The following SLC26A3 variants were observed in gnomAD, a reference collection of about 807,000 sequenced individuals.
SLC26A3 encodes the protein chloride anion exchanger.
Under a neutral mutation model 85.6 loss-of-function variants are expected in SLC26A3, and 64 were observed. The ratio of observed to expected loss-of-function variants is 0.75; its 90% CI spans 0.61 to 0.92. SLC26A3 has a LOEUF of 0.92. Ranked by LOEUF, SLC26A3 falls within the 40% of genes least tolerant of loss-of-function variation. The probability of loss-of-function intolerance (pLI) is 0.00; values close to 1 mark genes in which losing one functional copy is unlikely to be tolerated. For missense variants in SLC26A3, 922 were observed against 927.3 expected, an observed-to-expected ratio of 0.99 and a Z score of 0.07; for synonymous variants, 349 against 336.0, an observed-to-expected ratio of 1.04 and a Z score of -0.42.
intron 1 of SLC26A3, among the ~76,000 whole-genome samples, chr7:107,795,969 C>T (rs1794489354): frequency 6.6e-6 from 1 of 152,066 alleles, no homozygotes; most frequent in Non-Finnish European, 1.5e-5. Flanking sequence ...TTTTCTCTCC[C>T]ATCCCATTTT....
At position 107,789,506 on chromosome 7, in the gene SLC26A3, G is replaced by C; in HGVS notation, c.735+18C>G. On this transcript the variant is annotated intron_variant, in intron 6 of 20. Transcript: ENST00000340010. ...GTTTCATGTATTTCAGTATTTTTTA[G>C]GTGAAAGAAATACTTACTTTGAAAA... 4.4e-6 allele frequency: 7 copies of C among 1,606,442 alleles called. No homozygotes were observed. The highest frequency in any genetic ancestry group is 5.1e-6 in the Non-Finnish European group (6 of 1,173,338).
At chr7:107,791,427 C>T (rs1312269385) in intron 4 of SLC26A3, among the ~76,000 whole-genome samples, 192 bp from the exon 5 acceptor site, 1 of 152,138 alleles carries the variant, frequency 6.6e-6, no homozygotes, top group African/African-American at 2.4e-5. Flanking sequence ...GCCTGACCAA[C>T]ATGGAGAAGC....
At chr7:107,776,875 T>C (rs921745363) in intron 13 of SLC26A3, 169 bp from the exon 14 acceptor site, 26 of 681,806 alleles carry the variant, frequency 3.8e-5, no homozygotes, top group African/African-American at 1.8e-5. Context: ...TTGTTTTACT[T>C]ATCTTTGTGT....
intron 8 of SLC26A3, among the ~76,000 whole-genome samples, chr7:107,785,450 A>G (rs1794277982): frequency 6.6e-6 from 1 of 152,224 alleles, no homozygotes; most frequent in Admixed American, 6.5e-5. Context: ...TACATTCACT[A>G]AATAAGACTG....
intron 7 of SLC26A3, among the ~76,000 whole-genome samples, chr7:107,787,118 C>T (rs1474107352): frequency 1.3e-5 from 2 of 152,338 alleles, no homozygotes; most frequent in East Asian, 3.9e-4. Flanking sequence ...TCTAACACGA[C>T]ATTTTGTCAA....
At chr7:107,792,532 T>C (rs1419141860) in intron 3 of SLC26A3, among the ~76,000 whole-genome samples, 1 of 152,026 alleles carries the variant, frequency 6.6e-6, no homozygotes. Context: ...GAGAATATAA[T>C]GTTGTCGCTG....
rs184105110 is a variant in SLC26A3 at position 107,791,473 on chromosome 7, G to A, written c.383-238C>T. ...CCAACAATACAAAAATTAGTCAGGCGTGATGGTGCATGCCTGTAATCCCAG... is the reference window on the plus strand; with the variant it reads ...CCAACAATACAAAAATTAGTCAGGCATGATGGTGCATGCCTGTAATCCCAG... On this transcript the variant is annotated intron_variant, in intron 4 of 20. Coordinates refer to ENST00000340010, the MANE Select transcript of SLC26A3 (RefSeq NM_000111.3). Among the ~76,000 whole-genome samples the A allele has an allele frequency of 2.7e-3, 418 of 152,220 alleles. 1 individual carries two copies. Among genetic ancestry groups the A allele is most frequent in the African/African-American group, 9.6e-3 (398 of 41,536 alleles).
Position 107,791,176 on chromosome 7 carries a change from C to A in SLC26A3, c.442G>T (p.Ala148Ser). The A allele has an allele frequency of 8.1e-6, 13 of 1,614,206 alleles. No individual in the cohort carries two copies. Among genetic ancestry groups the A allele is most frequent in the Non-Finnish European group, 1.1e-5 (13 of 1,180,042 alleles). ...GTAGTTGCATTGCGATCTGGGACTG[C>A]TTTTGAAACTGCTCCTGAAACTGCT... ...GLAVSGAVSK[A>S]VPDRNATTLG... Residue 148 changes from alanine to serine, a missense_variant, in exon 5 of 21, where the codon GCA becomes TCA. Coordinates refer to ENST00000340010, the MANE Select transcript of SLC26A3 (RefSeq NM_000111.3).
intron 1 of SLC26A3, among the ~76,000 whole-genome samples, chr7:107,795,537 T>C (rs1367286155): frequency 1.3e-5 from 2 of 152,186 alleles, no homozygotes; most frequent in African/African-American, 4.8e-5. Context: ...TTCTTACAAA[T>C]GATAAAATAA....
chr7:107,769,292 G>A (rs1033650641), intron 18 of SLC26A3, among the ~76,000 whole-genome samples: 1 of 152,118 alleles, frequency 6.6e-6, no homozygotes, highest in African/African-American at 2.4e-5. Context: ...ATTGATTGCT[G>A]CACTATTCAC....
At chr7:107,793,686 A>T in intron 3 of SLC26A3, 56 bp downstream of exon 3, 1 of 1,332,168 alleles carries the variant, frequency 7.5e-7, no homozygotes, top group Non-Finnish European at 1.1e-6. Context: ...CCTGAGCTGT[A>T]CACATTCAGA....
Position 107,789,620 on chromosome 7 carries a change from G to A in SLC26A3, c.639C>T (p.Phe213=), listed in dbSNP as rs1388228136. 1 of 1,613,966 alleles carries A rather than the reference G, an allele frequency of 6.2e-7. No individual in the cohort carries two copies. Among genetic ancestry groups the A allele is most frequent in the Non-Finnish European group, 8.5e-7 (1 of 1,179,898 alleles). The stretch of plus-strand genomic sequence containing the variant: ...AAACATGAACAGCAGCAGCAGTAGT[G>A]AAGCCACTGATGAGGGACTCAGACA... ...IYLSESLISG[F]TTAAAVHVLV... Residue 213 remains phenylalanine (F), a synonymous_variant, in exon 6 of 21, where the codon TTC becomes TTT. Transcript: ENST00000340010.
chr7:107,774,561 A>C (rs1794080019), intron 16 of SLC26A3, among the ~76,000 whole-genome samples: 2 of 152,214 alleles, frequency 1.3e-5, no homozygotes, highest in African/African-American at 4.8e-5. Flanking sequence ...CTCAAACAAC[A>C]ACAAGATTGT....
At chr7:107,778,747 T>G (rs1253843613) in intron 12 of SLC26A3, among the ~76,000 whole-genome samples, 3 of 152,070 alleles carry the variant, frequency 2.0e-5, no homozygotes, top group African/African-American at 7.2e-5. Flanking sequence ...GTCAGCACTT[T>G]GGGAGGCTGA....
At chr7:107,787,128 AG>A (rs761663436) in intron 7 of SLC26A3, among the ~76,000 whole-genome samples, 13 of 152,352 alleles carry the variant, frequency 8.5e-5, no homozygotes, top group Non-Finnish European at 1.3e-4. Flanking sequence ...CATTTTGTCA[AG>A]GGTCTTGCTC....
At chr7:107,770,718 A>G (rs1794015237) in intron 18 of SLC26A3, among the ~76,000 whole-genome samples, 1 of 152,234 alleles carries the variant, frequency 6.6e-6, no homozygotes. Context: ...GTGCCTGATA[A>G]ATAGTAGGTA....
At chr7:107,789,119 CT>C (rs72134999) in intron 6 of SLC26A3, among the ~76,000 whole-genome samples, 145 of 128,186 alleles carry the variant, frequency 1.1e-3, no homozygotes, top group Non-Finnish European at 1.3e-3. Context: ...TTTTCTTTTT[CT>C]TTTTTTTTTT....
At chr7:107,766,979 A>G (rs1434242178) in intron 20 of SLC26A3, among the ~76,000 whole-genome samples, 1 of 152,122 alleles carries the variant, frequency 6.6e-6, no homozygotes, top group African/African-American at 2.4e-5. Flanking sequence ...CCTGGCCTAC[A>G]GCAGAAACCC....
chr7:107,790,234 G>C (rs569666269), intron 5 of SLC26A3, among the ~76,000 whole-genome samples: 4 of 152,296 alleles, frequency 2.6e-5, no homozygotes, highest in Admixed American at 2.6e-4. Context: ...TCATTGTTTT[G>C]CAATCGAGTG....
Sources: gnomAD v4.1 joint callset for allele counts (sites outside exome capture counted in the v4.1 genomes callset) on GRCh38, gnomAD v4.1.1 for gene constraint, MANE v1.5 for transcripts, NCBI Gene and HGNC (gene_info 2026-07-23, HGNC 2026-07-21) for gene names.